P2RX5: variants seen among roughly 807,000 people sequenced by gnomAD.
P2RX5 encodes the protein P2X purinoceptor 5.
A neutral mutation model predicts 54.1 loss-of-function variants in P2RX5; 46 were observed. The observed-to-expected ratio is 0.85, with a 90% CI of 0.67 to 1.09. The LOEUF is 1.09. Ranked by LOEUF, P2RX5 falls within the 50% of genes least tolerant of loss-of-function variation. The probability of loss-of-function intolerance (pLI) is 0.00; values close to 1 mark genes in which losing one functional copy is unlikely to be tolerated. For missense variants in P2RX5, 566 were observed against 549.8 expected (o/e 1.03, Z -0.29); for synonymous variants, 226 against 226.4 (o/e 1.00, Z 0.02).
upstream of P2RX5, among the ~76,000 whole-genome samples, chr17:3,699,090 CACACCT>C (rs2050798659): frequency 1.6e-5 from 1 of 61,640 alleles, no homozygotes; most frequent in African/African-American, 4.5e-5. Flanking sequence ...CACACACACA[CACACCT>C]ATATATATAA....
upstream of P2RX5, among the ~76,000 whole-genome samples, chr17:3,699,372 T>C (rs1229829200): frequency 2.0e-5 from 3 of 149,898 alleles, no homozygotes; most frequent in African/African-American, 7.4e-5. Flanking sequence ...CTCCAGCCTG[T>C]ATGATAGAGA....
chr17:3,695,044 G>A (rs1392480587), intron 1 of P2RX5, among the ~76,000 whole-genome samples: 1 of 152,230 alleles, frequency 6.6e-6, no homozygotes, highest in African/African-American at 2.4e-5. Flanking sequence ...ACCTCCGAGG[G>A]AGAGCCAGGC....
chr17:3,682,414 T>C (rs2050309938), intron 9 of P2RX5: 1 of 301,386 alleles, frequency 3.3e-6, no homozygotes, highest in South Asian at 3.0e-5. Context: ...GGGTCCCTAT[T>C]CAGTCCTTAA....
At chr17:3,680,894 C>T (rs1262158126) in intron 10 of P2RX5, among the ~76,000 whole-genome samples, 7 of 146,430 alleles carry the variant, frequency 4.8e-5, no homozygotes, top group Non-Finnish European at 9.0e-5. Context: ...ACCCTGCATC[C>T]TCCACCCAGC....
intron 11 of P2RX5, chr17:3,678,053 C>T: frequency 1.0e-6 from 1 of 985,472 alleles, no homozygotes; most frequent in Non-Finnish European, 1.2e-6. Context: ...TTCAGCGACA[C>T]TGCTGGTAGC....
At chr17:3,723,618 T>C in the P2RX5 span, 322 of 1,433,900 alleles carry the variant, frequency 2.2e-4, no homozygotes, top group Non-Finnish European at 2.9e-4. Context: ...GGAAAAACAG[T>C]CTCCTGGCCT....
At chr17:3,721,176 A>T in the P2RX5 span, among the ~76,000 whole-genome samples, 1 of 136,020 alleles carries the variant, frequency 7.4e-6, no homozygotes, top group Non-Finnish European at 1.5e-5. Context: ...CAATCCACCC[A>T]CCTTAGCCTC....
At chr17:3,714,462 G>A in the P2RX5 span, among the ~76,000 whole-genome samples, 3 of 151,934 alleles carry the variant, frequency 2.0e-5, no homozygotes, top group East Asian at 1.9e-4. Flanking sequence ...TCTTGACCTC[G>A]TGATCTGCCT....
chr17:3,677,604 G>A, intron 11 of P2RX5: 1 of 985,408 alleles, frequency 1.0e-6, no homozygotes, highest in Non-Finnish European at 1.2e-6. Context: ...GAGGCTAGAG[G>A]AAGGCCAGCT....
the P2RX5 span, among the ~76,000 whole-genome samples, chr17:3,708,052 C>T: frequency 3.1e-3 from 318 of 104,026 alleles, 3 homozygotes; most frequent in African/African-American, 9.8e-3. Flanking sequence ...AGTGAGACTC[C>T]GTCTCAAAAA....
Position 3,673,268 on chromosome 17 carries a change from G to A in P2RX5, c.*600C>T. 2.0e-6 allele frequency: 2 copies of A among 990,440 alleles called. No individual in the cohort carries two copies. The highest frequency in any genetic ancestry group is 2.4e-6 in the Non-Finnish European group (2 of 832,468). 61.4% of individuals were successfully genotyped at this position (990,440 alleles called of 1,614,324 possible). On this transcript the variant is annotated 3_prime_UTR_variant, in exon 12 of 12. Coordinates refer to ENST00000225328, the MANE Select transcript of P2RX5 (RefSeq NM_002561.4). ...TTTATTGTTTTATGACCAAATAAGA[G>A]TGTCAGAGAATACATATCTTGGGCA... is the stretch of plus-strand genomic sequence containing the variant.
intron 8 of P2RX5, 88 bp downstream of exon 8, chr17:3,688,538 A>T: frequency 7.0e-7 from 1 of 1,437,966 alleles, no homozygotes; most frequent in Non-Finnish European, 9.8e-7. Context: ...ACCCACCCCC[A>T]GGAAGGGGCC....
At chr17:3,704,217 C>T in the P2RX5 span, among the ~76,000 whole-genome samples, 1 of 152,172 alleles carries the variant, frequency 6.6e-6, no homozygotes, top group Non-Finnish European at 1.5e-5. Context: ...TTCTATTTCC[C>T]ACCTCAAAGG....
rs761808813 is a variant in P2RX5 at position 3,687,988 on chromosome 17, C to T, written c.981+24G>A. 2.0e-6 allele frequency: 2 copies of T among 990,534 alleles called. 1 individual carries two copies. Among genetic ancestry groups the T allele is most frequent in the South Asian group, 2.7e-5 (2 of 73,330 alleles). 61.4% of individuals were successfully genotyped at this position (990,534 alleles called of 1,614,324 possible). ...CCAGCCCCCGCCCCCCGCCCAGCCT[C>T]AGAACAGGAGAAGGCACACGCACCT... On this transcript the variant is annotated intron_variant, in intron 9 of 11. Transcript: ENST00000225328.
chr17:3,713,779 T>TAAAAAA, the P2RX5 span, among the ~76,000 whole-genome samples: 1 of 150,810 alleles, frequency 6.6e-6, no homozygotes, highest in Non-Finnish European at 1.5e-5. Flanking sequence ...AAAATAAAAA[T>TAAAAAA]TAAAAAATAA....
chr17:3,691,517 G>T, intron 2 of P2RX5, 127 bp downstream of exon 2: 1 of 1,175,212 alleles, frequency 8.5e-7, no homozygotes, highest in Non-Finnish European at 1.2e-6. Flanking sequence ...GCAAGCCCTG[G>T]CAGCTGTCTT....
rs567237140 is a variant in P2RX5 at position 3,689,477 on chromosome 17, G to A, written c.753+15C>T. 33 of 1,613,456 alleles carry A rather than the reference G, an allele frequency of 2.0e-5. No homozygotes were observed. The highest frequency in any genetic ancestry group is 4.5e-5 in the East Asian group (2 of 44,884). On this transcript the variant is annotated intron_variant, in intron 7 of 11. Transcript: ENST00000225328. ...CAGGCCCTCAGGGAGGGCTCCCTGCGTGCACCCCACCCACCTCCAGGGCTA... is the reference window on the plus strand; with the variant it reads ...CAGGCCCTCAGGGAGGGCTCCCTGCATGCACCCCACCCACCTCCAGGGCTA...
chr17:3,713,728 C>A, the P2RX5 span, among the ~76,000 whole-genome samples: 56,719 of 145,486 alleles, frequency 0.39, 12,871 homozygotes, highest in South Asian at 0.6. Flanking sequence ...CCAGTCTGGG[C>A]AGTAAGAGCA....
chr17:3,723,551 G>A, the P2RX5 span: 1 of 1,071,830 alleles, frequency 9.3e-7, no homozygotes, highest in Admixed American at 2.2e-5. Context: ...TTGAGACCCA[G>A]GGACGAAGCT....
Sources: allele counts gnomAD v4.1 joint callset (sites outside exome capture counted in the v4.1 genomes callset), GRCh38; gene constraint gnomAD v4.1.1; transcripts MANE v1.5; gene names NCBI Gene and HGNC (gene_info 2026-07-23, HGNC 2026-07-21).